Variants in TLE1 observed in about 807,000 individuals in gnomAD.
TLE1 encodes TLE family member 1, transcriptional corepressor.
TLE1 carries 21 observed loss-of-function variants against 89.8 expected under a neutral mutation model. The ratio of observed to expected loss-of-function variants is 0.23; its 90% CI spans 0.17 to 0.34. TLE1 has a LOEUF of 0.34. TLE1 is among the 10% of genes least tolerant of loss of function. TLE1 has a pLI of 1.00. For missense variants in TLE1, 795 were observed against 1,031.2 expected (o/e 0.77, Z 3.14); for synonymous variants, 447 against 407.6 (o/e 1.10, Z -1.16).
intron 14 of TLE1, among the ~76,000 whole-genome samples, chr9:81,607,902 C>G (rs1210307364): frequency 6.6e-6 from 1 of 152,160 alleles, no homozygotes; most frequent in Non-Finnish European, 1.5e-5. Context: ...CTACTGATTC[C>G]TAGTGTAGAC....
At chr9:81,664,675 C>A (rs1397422713) in intron 4 of TLE1, among the ~76,000 whole-genome samples, 3 of 150,732 alleles carry the variant, frequency 2.0e-5, no homozygotes, top group Non-Finnish European at 4.4e-5. Flanking sequence ...CCAGCCTGGG[C>A]AACATAGGGA....
intron 4 of TLE1, among the ~76,000 whole-genome samples, chr9:81,671,806 C>A (rs1196015432): frequency 1.3e-5 from 2 of 152,160 alleles, no homozygotes; most frequent in African/African-American, 4.8e-5. Flanking sequence ...CAAATGTCAG[C>A]AGTTCCCCTC....
At chr9:81,675,697 A>G (rs1588224530) in intron 4 of TLE1, among the ~76,000 whole-genome samples, 1 of 99,832 alleles carries the variant, frequency 1.0e-5, no homozygotes. Context: ...GACTCACACT[A>G]GTTTTTTTTT....
At chr9:81,644,988 G>T (rs1828652192) in intron 6 of TLE1, among the ~76,000 whole-genome samples, 1 of 115,702 alleles carries the variant, frequency 8.6e-6, no homozygotes, top group Non-Finnish European at 1.7e-5. Context: ...GTGATAGAGT[G>T]AGACACTGTC....
At chr9:81,617,562 C>T (rs1824701969) in intron 9 of TLE1, among the ~76,000 whole-genome samples, 1 of 151,632 alleles carries the variant, frequency 6.6e-6, no homozygotes, top group Non-Finnish European at 1.5e-5. Context: ...ATTAGCCGGG[C>T]GTGGTGGCGC....
At chr9:81,653,833 A>G (rs1829846453) in intron 5 of TLE1, 141 bp downstream of exon 5, 1 of 690,740 alleles carries the variant, frequency 1.4e-6, no homozygotes, top group African/African-American at 1.8e-5. Flanking sequence ...TGGATAGACT[A>G]GCAGGGGGTT....
chr9:81,626,570 T>C (rs1052005655), intron 8 of TLE1, among the ~76,000 whole-genome samples: 1 of 152,230 alleles, frequency 6.6e-6, no homozygotes, highest in African/African-American at 2.4e-5. Flanking sequence ...CTCAGAACCC[T>C]GCCTGTGCAG....
chr9:81,660,196 AAACTGATGCC>A (rs1830593764), intron 4 of TLE1, among the ~76,000 whole-genome samples: 1 of 151,980 alleles, frequency 6.6e-6, no homozygotes, highest in Non-Finnish European at 1.5e-5. Context: ...TCCCCTACTA[AAACTGATGCC>A]AGGGTACATA....
intron 4 of TLE1, among the ~76,000 whole-genome samples, chr9:81,663,256 G>C (rs1016283722): frequency 6.6e-6 from 1 of 152,150 alleles, no homozygotes; most frequent in Admixed American, 6.5e-5. Context: ...GGCAAACCTG[G>C]AACTATTTGG....
chr9:81,652,453 A>G (rs1829676198), intron 5 of TLE1, among the ~76,000 whole-genome samples, 165 bp from the exon 6 acceptor site: 1 of 152,218 alleles, frequency 6.6e-6, no homozygotes, highest in African/African-American at 2.4e-5. Flanking sequence ...AGATAGGGAA[A>G]GAAAAACTGA....
chr9:81,675,729 T>C (rs1448805481), intron 4 of TLE1, among the ~76,000 whole-genome samples: 1 of 134,452 alleles, frequency 7.4e-6, no homozygotes, highest in African/African-American at 2.8e-5. Flanking sequence ...TGAGACGGAG[T>C]CTCGCTCTGT....
rs1211720030 is a variant in TLE1 at position 81,608,924 on chromosome 9, A to T, written c.1331+1296T>A. ...TGCACTCCAGCCTCGGCAACGAGTG[A>T]AACTCCGTCTCAAAAATAATAAAAA... On this transcript the variant is annotated intron_variant, in intron 14 of 19. Coordinates refer to ENST00000376499, the MANE Select transcript of TLE1 (RefSeq NM_005077.5). Among the ~76,000 whole-genome samples, 7 of 152,066 alleles carry T rather than the reference A, an allele frequency of 4.6e-5. No homozygotes were observed. The East Asian group carries it at 1.4e-3, about 29-fold the overall frequency.
At chr9:81,597,061 C>A (rs1222345219) in intron 14 of TLE1, among the ~76,000 whole-genome samples, 3 of 152,176 alleles carry the variant, frequency 2.0e-5, no homozygotes, top group Non-Finnish European at 4.4e-5. Flanking sequence ...CTCTCTGGTT[C>A]TCTGGCTACG....
intron 16 of TLE1, among the ~76,000 whole-genome samples, chr9:81,589,894 C>T (rs1366240369): frequency 6.6e-6 from 1 of 152,112 alleles, no homozygotes; most frequent in Non-Finnish European, 1.5e-5. Flanking sequence ...CACTGTCACC[C>T]ACACGCAGGG....
chr9:81,683,678 T>C (rs1833899837), intron 4 of TLE1, among the ~76,000 whole-genome samples: 1 of 152,180 alleles, frequency 6.6e-6, no homozygotes, highest in Non-Finnish European at 1.5e-5. Flanking sequence ...ATTTCCAATA[T>C]CAACTAAATT....
intron 7 of TLE1, chr9:81,633,829 T>C (rs1281316219): frequency 6.2e-6 from 3 of 487,264 alleles, no homozygotes; most frequent in East Asian, 3.0e-5. Flanking sequence ...TTCCATAATA[T>C]GGTACAGGCC....
chr9:81,590,055 C>T (rs530524888), intron 16 of TLE1, among the ~76,000 whole-genome samples: 10 of 152,308 alleles, frequency 6.6e-5, no homozygotes, highest in South Asian at 2.1e-4. Context: ...CTGCACCATC[C>T]GCAGGGACGG....
chr9:81,599,975 A>C (rs1166872911), intron 14 of TLE1: 2 of 593,112 alleles, frequency 3.4e-6, no homozygotes, highest in Admixed American at 5.9e-5. Context: ...CAAAGAAAAC[A>C]AGAAACAGAT....
intron 4 of TLE1, among the ~76,000 whole-genome samples, chr9:81,683,245 A>G (rs1328331595): frequency 6.6e-6 from 1 of 151,276 alleles, no homozygotes; most frequent in Non-Finnish European, 1.5e-5. Context: ...TTTTAGTAAC[A>G]AAGATGTTGT....
Sources: gnomAD v4.1 joint callset for allele counts (sites outside exome capture counted in the v4.1 genomes callset) on GRCh38, gnomAD v4.1.1 for gene constraint, MANE v1.5 for transcripts, NCBI Gene and HGNC (gene_info 2026-07-23, HGNC 2026-07-21) for gene names.